The following GRXCR2 variants were observed in gnomAD, a reference collection of about 807,000 sequenced individuals.
GRXCR2 encodes glutaredoxin and cysteine rich domain containing 2.
In GRXCR2, 23 loss-of-function variants were observed where a neutral mutation model predicts 24.8. The observed-to-expected ratio is 0.93, with a 90% CI of 0.67 to 1.32. The LOEUF (loss-of-function observed/expected upper bound fraction) is 1.32. Ranked by LOEUF, GRXCR2 falls within the 40% of genes most tolerant of loss-of-function variation. The probability of loss-of-function intolerance (pLI) is 0.00; values close to 1 mark genes in which losing one functional copy is unlikely to be tolerated. For synonymous variants in GRXCR2, 130 were observed against 116.1 expected (o/e 1.12, Z -0.77); for missense variants, 315 against 303.4 (o/e 1.04, Z -0.28).
intron 2 of GRXCR2, among the ~76,000 whole-genome samples, chr5:145,883,242 T>C (rs999948387): frequency 3.3e-5 from 5 of 152,002 alleles, no homozygotes; most frequent in Admixed American, 6.6e-5. Context: ...GTGCTAACAG[T>C]GGTTCTATTT....
intron 2 of GRXCR2, among the ~76,000 whole-genome samples, chr5:145,882,688 T>C (rs921227835): frequency 3.3e-5 from 5 of 152,128 alleles, no homozygotes; most frequent in African/African-American, 1.2e-4. Context: ...ACCCAAAGGA[T>C]TATAAATCAT....
intron 2 of GRXCR2, among the ~76,000 whole-genome samples, chr5:145,931,559 C>T (rs556770586): frequency 5.3e-5 from 8 of 152,240 alleles, no homozygotes; most frequent in Admixed American, 4.6e-4. Flanking sequence ...GGGTCTGTAT[C>T]CTTTAAAGAA....
At chr5:145,884,249 G>A (rs1418077680) in intron 2 of GRXCR2, among the ~76,000 whole-genome samples, 1 of 152,124 alleles carries the variant, frequency 6.6e-6, no homozygotes, top group Non-Finnish European at 1.5e-5. Flanking sequence ...AAACCGCTCT[G>A]TGGGACATCC....
At chr5:145,879,901 G>T (rs576058564) in intron 2 of GRXCR2, among the ~76,000 whole-genome samples, 7 of 152,060 alleles carry the variant, frequency 4.6e-5, no homozygotes, top group Non-Finnish European at 8.8e-5. Flanking sequence ...ACTCAAAACC[G>T]CACAACTACA....
chr5:145,891,516 C>A (rs1299578827), intron 2 of GRXCR2, among the ~76,000 whole-genome samples: 1 of 152,218 alleles, frequency 6.6e-6, no homozygotes, highest in East Asian at 1.9e-4. Context: ...GGTCCTACGC[C>A]CACGGAGCCT....
intron 2 of GRXCR2, among the ~76,000 whole-genome samples, chr5:145,929,078 G>A (rs999698428): frequency 3.3e-5 from 5 of 150,898 alleles, no homozygotes; most frequent in Non-Finnish European, 7.4e-5. Context: ...GTATATGTGT[G>A]TATCATTTTT....
At chr5:145,924,721 T>C (rs1757366837) in intron 2 of GRXCR2, among the ~76,000 whole-genome samples, 1 of 152,194 alleles carries the variant, frequency 6.6e-6, no homozygotes, top group Non-Finnish European at 1.5e-5. Context: ...TCCTCATCTG[T>C]AAGATGGGGG....
intron 2 of GRXCR2, among the ~76,000 whole-genome samples, chr5:145,913,806 C>A (rs1236284598): frequency 6.6e-6 from 1 of 152,056 alleles, no homozygotes; most frequent in African/African-American, 2.4e-5. Flanking sequence ...TACAGGCAGG[C>A]ATGAGACCAT....
intron 2 of GRXCR2, among the ~76,000 whole-genome samples, chr5:145,918,680 C>T (rs1201084289): frequency 6.6e-6 from 1 of 152,186 alleles, no homozygotes; most frequent in Non-Finnish European, 1.5e-5. Context: ...CCTGCTCCCA[C>T]CTGTGTAACT....
upstream of GRXCR2, among the ~76,000 whole-genome samples, chr5:145,876,216 T>TATATATATATATAC (rs1420891903): frequency 7.5e-6 from 1 of 133,910 alleles, no homozygotes; most frequent in African/African-American, 2.9e-5. Flanking sequence ...TATATATATA[T>TATATATATATATAC]ACACACACAC....
upstream of GRXCR2, among the ~76,000 whole-genome samples, chr5:145,875,554 ATAAAT>A (rs1245208356): frequency 6.6e-6 from 1 of 152,164 alleles, no homozygotes; most frequent in Non-Finnish European, 1.5e-5. Flanking sequence ...TCAAAAAAAA[ATAAAT>A]AAAGAATAGT....
chr5:145,880,968 A>G (rs1269403520), intron 2 of GRXCR2, among the ~76,000 whole-genome samples: 1 of 152,238 alleles, frequency 6.6e-6, no homozygotes, highest in Non-Finnish European at 1.5e-5. Flanking sequence ...GGCCTTTGAC[A>G]AAATTCAACA....
chr5:145,920,597 C>T (rs1399312135), intron 2 of GRXCR2, among the ~76,000 whole-genome samples: 1 of 152,160 alleles, frequency 6.6e-6, no homozygotes, highest in Non-Finnish European at 1.5e-5. Flanking sequence ...CTTCCCCAAA[C>T]ATGTTTCCTT....
At chr5:145,880,468 C>A (rs1756685659) in intron 2 of GRXCR2, among the ~76,000 whole-genome samples, 1 of 152,082 alleles carries the variant, frequency 6.6e-6, no homozygotes, top group African/African-American at 2.4e-5. Context: ...AATTCCTGGA[C>A]ACATTCACCC....
chr5:145,884,789 C>T (rs1455733301), intron 2 of GRXCR2, among the ~76,000 whole-genome samples: 1 of 152,114 alleles, frequency 6.6e-6, no homozygotes, highest in South Asian at 2.1e-4. Context: ...TATTCACAGA[C>T]ACCTAGGTTT....
intron 2 of GRXCR2, among the ~76,000 whole-genome samples, chr5:145,887,643 G>T (rs982823163): frequency 1.3e-5 from 2 of 152,174 alleles, no homozygotes; most frequent in Non-Finnish European, 2.9e-5. Flanking sequence ...CTAGAACATA[G>T]CTGTTTCTCT....
intron 2 of GRXCR2, among the ~76,000 whole-genome samples, chr5:145,860,823 T>G (rs1283766143): frequency 1.3e-5 from 2 of 152,146 alleles, no homozygotes; most frequent in Non-Finnish European, 2.9e-5. Context: ...TCTGAGTAGC[T>G]GGAACATTAA....
chr5:145,922,851 G>A (rs1430271306), intron 2 of GRXCR2, among the ~76,000 whole-genome samples: 1 of 152,326 alleles, frequency 6.6e-6, no homozygotes, highest in South Asian at 2.1e-4. Context: ...GTCTGTAATG[G>A]TCTGGAAACT....
At chr5:145,930,076 A>G (rs1323928806) in intron 2 of GRXCR2, among the ~76,000 whole-genome samples, 2 of 151,892 alleles carry the variant, frequency 1.3e-5, no homozygotes, top group East Asian at 3.9e-4. Flanking sequence ...TTATTTATTT[A>G]TTTATTATTT....
Sources: gnomAD v4.1 joint callset for allele counts (sites outside exome capture counted in the v4.1 genomes callset) on GRCh38, gnomAD v4.1.1 for gene constraint, MANE v1.5 for transcripts, NCBI Gene and HGNC (gene_info 2026-07-23, HGNC 2026-07-21) for gene names.